Variants in CLCN7 observed in about 807,000 individuals in gnomAD.
CLCN7 encodes the protein Cl-/H+ antiporter 7.
CLCN7 carries 60 observed loss-of-function variants against 102.1 expected under a neutral mutation model. That is an observed-to-expected ratio of 0.59 (90% confidence interval 0.48 to 0.73). The LOEUF (loss-of-function observed/expected upper bound fraction) is 0.73. CLCN7 is among the 30% of genes least tolerant of loss of function. CLCN7 has a pLI of 0.00. For synonymous variants in CLCN7, 560 were observed against 490.5 expected (o/e 1.14, Z -1.87); for missense variants, 962 against 1,125.7 (o/e 0.85, Z 2.08).
chr16:1,474,979 C>A lies in CLCN7; in HGVS notation c.-5G>T. 1 of 1,477,778 alleles carries A rather than the reference C, an allele frequency of 6.8e-7. No individual in the cohort carries two copies. Among genetic ancestry groups the A allele is most frequent in the Non-Finnish European group, 8.9e-7 (1 of 1,117,346 alleles). The allele number at this position is 1,477,778 out of a possible 1,614,324, so 91.5% of individuals were successfully genotyped here. On this transcript the variant is annotated 5_prime_UTR_variant, in exon 1 of 25. Coordinates refer to ENST00000382745, the MANE Select transcript of CLCN7 (RefSeq NM_001287.6). ...CTTCTTAGAGACGTTGGCCATGGCC[C>A]GCCGCGGAGCGACACCGGCCGGGAA...
intron 2 of CLCN7, among the ~76,000 whole-genome samples, chr16:1,464,879 G>A (rs2142395281): frequency 6.6e-6 from 1 of 152,298 alleles, no homozygotes; most frequent in South Asian, 2.1e-4. Flanking sequence ...GACTCCCAGG[G>A]CAGCCACTGG....
intron 15 of CLCN7, chr16:1,452,350 A>G (rs1308777623): frequency 1.1e-5 from 3 of 265,912 alleles, no homozygotes; most frequent in Non-Finnish European, 1.5e-5. Flanking sequence ...AGTGCTTTCC[A>G]GGGCAACCGT....
chr16:1,447,022 A>C lies in CLCN7; in HGVS notation c.2315T>G (p.Val772Gly). 6.3e-7 allele frequency: 1 copy of C among 1,598,728 alleles called. No individual in the cohort carries two copies. Among genetic ancestry groups the C allele is most frequent in the Admixed American group, 1.7e-5 (1 of 59,284 alleles). ...CCCGCTCACCTGATTGCGGTTGTCC[A>C]CCACCACCAGGTGCCGCAGGCCCAG... Reference protein sequence around the residue: ...RALGLRHLVVVDNRNQVVGLV... With the variant: ...RALGLRHLVVGDNRNQVVGLV... The change falls in exon 24 of 25, where the codon GTG becomes GGG. Residue 772 changes from valine to glycine, a missense_variant. Val to Gly is a moderately radical substitution (Grantham distance 109). Coordinates refer to ENST00000382745, the MANE Select transcript of CLCN7 (RefSeq NM_001287.6).
At chr16:1,462,127 C>T (rs1157315093) in intron 2 of CLCN7, among the ~76,000 whole-genome samples, 1 of 151,492 alleles carries the variant, frequency 6.6e-6, no homozygotes, top group Non-Finnish European at 1.5e-5. Context: ...AACACCCCTA[C>T]AACCACGGAT....
Position 1,455,248 on chromosome 16 carries a change from G to C in CLCN7, c.984C>G (p.Phe328Leu). The change falls in exon 12 of 25, where the codon TTC becomes TTG. Residue 328 changes from phenylalanine (F) to leucine (L), a missense_variant and splice_region_variant. Physicochemically the swap from Phe to Leu is conservative, Grantham distance 22 (BLOSUM62 0). Coordinates refer to ENST00000382745, the MANE Select transcript of CLCN7 (RefSeq NM_001287.6). ...TGAACGTGGAGATCATGGAAGCAAA[G>C]AACTGCGGCAGAGGGCAGGAAACCA... ...FWNQFLTWRIFFASMISTFTL... is the reference protein window; with the variant it reads ...FWNQFLTWRILFASMISTFTL... 5 of 1,601,552 alleles carry C rather than the reference G, an allele frequency of 3.1e-6. No homozygotes were observed. The highest frequency in any genetic ancestry group is 4.3e-6 in the Non-Finnish European group (5 of 1,168,908).
At chr16:1,467,090 G>A (rs1447248934) in intron 1 of CLCN7, among the ~76,000 whole-genome samples, 1 of 151,804 alleles carries the variant, frequency 6.6e-6, no homozygotes, top group African/African-American at 2.4e-5. Context: ...GAAGGAACCT[G>A]GGCACGTGCC....
chr16:1,456,044 G>T, intron 10 of CLCN7, 69 bp downstream of exon 10: 1 of 1,329,276 alleles, frequency 7.5e-7, no homozygotes, highest in Non-Finnish European at 1.0e-6. Context: ...TGGGCCTACA[G>T]AGAGGAGACC....
intron 14 of CLCN7, among the ~76,000 whole-genome samples, chr16:1,453,281 G>C (rs1164673201): frequency 1.3e-5 from 2 of 152,106 alleles, no homozygotes; most frequent in Non-Finnish European, 2.9e-5. Context: ...CCAAAGTGCT[G>C]GGATTATAGT....
At chr16:1,466,620 G>C (rs1468010036) in intron 1 of CLCN7, 1 of 152,240 alleles carries the variant, frequency 6.6e-6, no homozygotes, top group African/African-American at 2.4e-5. Context: ...TGAAGGAGAC[G>C]GGCTCCCCAA....
intron 6 of CLCN7, 73 bp from the exon 7 acceptor site, chr16:1,459,260 C>CTGAGGAGAGCAGCAGACACGTCGGGG: frequency 9.7e-7 from 1 of 1,034,288 alleles, no homozygotes; most frequent in Non-Finnish European, 1.4e-6. Context: ...GCCCCAGGAG[C>CTGAGGAGAGCAGCAGACACGTCGGGG]CCCAGGAGCT....
At chr16:1,474,438 T>C (rs2039123043) in intron 1 of CLCN7, 2 of 341,652 alleles carry the variant, frequency 5.9e-6, no homozygotes, top group Admixed American at 8.5e-5. Context: ...ACAAAATTAG[T>C]TGCTCGTGTA....
intron 6 of CLCN7, among the ~76,000 whole-genome samples, chr16:1,459,664 A>C (rs1173237901): frequency 3.6e-5 from 1 of 27,926 alleles, no homozygotes; most frequent in Non-Finnish European, 6.5e-5. Context: ...GGAAGGGGAG[A>C]GCGGCACACA....
intron 6 of CLCN7, 62 bp downstream of exon 6, chr16:1,460,356 C>A: frequency 1.6e-6 from 2 of 1,231,456 alleles, no homozygotes; most frequent in South Asian, 1.2e-5. Context: ...GGTTCCCGCC[C>A]ATTCACCAAG....
At chr16:1,462,365 C>CTTTT (rs59931924) in intron 2 of CLCN7, among the ~76,000 whole-genome samples, 4 of 80,610 alleles carry the variant, frequency 5.0e-5, no homozygotes, top group Non-Finnish European at 6.9e-5. Context: ...CCTCATCTGT[C>CTTTT]TTTTTTTTTT....
At chr16:1,474,781 C>A in intron 1 of CLCN7, 53 bp downstream of exon 1, 1 of 1,234,764 alleles carries the variant, frequency 8.1e-7, no homozygotes, top group Non-Finnish European at 1.0e-6. Context: ...AGGGCGCGGG[C>A]TGCGGGGCGC....
At chr16:1,452,996 G>A (rs2038778049) in intron 14 of CLCN7, 103 bp from the exon 15 acceptor site, 3 of 1,474,674 alleles carry the variant, frequency 2.0e-6, no homozygotes, top group Non-Finnish European at 1.8e-6. Flanking sequence ...TGGGCCCGTG[G>A]TGCTTTTTGT....
Position 1,457,647 on chromosome 16 carries a change from C to G in CLCN7, c.738+47G>C. ...CATGGGCGTGGCGGCCCTCGCGGGCCCGGCGGCCTCAGGCTCCAGCTGGAG... is the reference window on the plus strand; with the variant it reads ...CATGGGCGTGGCGGCCCTCGCGGGCGCGGCGGCCTCAGGCTCCAGCTGGAG... On this transcript the variant is annotated intron_variant, in intron 8 of 24. Transcript: ENST00000382745. This position sits in a 1 kb window ranked among gnomAD's most constrained non-coding sequence, Gnocchi z 5.4. 1 of 1,603,298 alleles carries G rather than the reference C, an allele frequency of 6.2e-7. No individual in the cohort carries two copies. Among genetic ancestry groups the G allele is most frequent in the Non-Finnish European group, 8.5e-7 (1 of 1,172,402 alleles).
At chr16:1,450,752 C>T (rs755156223) in intron 16 of CLCN7, 86 bp from the exon 17 acceptor site, 4 of 1,161,518 alleles carry the variant, frequency 3.4e-6, no homozygotes, top group Non-Finnish European at 3.5e-6. Context: ...TCGGGCCTCA[C>T]AGTCACCTTC....
At chr16:1,449,534 C>T (rs1011681815) in intron 17 of CLCN7, 9 of 610,060 alleles carry the variant, frequency 1.5e-5, no homozygotes, top group South Asian at 3.8e-5. Flanking sequence ...GCTCAGCACC[C>T]GAGCAACAGG....
Sources: allele counts gnomAD v4.1 joint callset (sites outside exome capture counted in the v4.1 genomes callset), GRCh38; gene constraint gnomAD v4.1.1; non-coding constraint Gnocchi (gnomAD v3.1); transcripts MANE v1.5; gene names NCBI Gene and HGNC (gene_info 2026-07-23, HGNC 2026-07-21).